Variants in SCFD2 observed in about 807,000 individuals in gnomAD.
The protein encoded by SCFD2 is sec1 family domain containing 2, also known as sec1 family domain-containing protein 2.
SCFD2 carries 54 observed loss-of-function variants against 58.9 expected under a neutral mutation model. The ratio of observed to expected loss-of-function variants is 0.92; its 90% CI spans 0.74 to 1.15. The LOEUF is 1.15. SCFD2 is among the 50% of genes most tolerant of loss of function. The probability of loss-of-function intolerance (pLI) is 0.00; values close to 1 mark genes in which losing one functional copy is unlikely to be tolerated. For missense variants in SCFD2, 805 were observed against 836.6 expected, an observed-to-expected ratio of 0.96 and a Z score of 0.47; for synonymous variants, 321 against 335.9, an observed-to-expected ratio of 0.96 and a Z score of 0.49.
At chr4:53,331,892 C>G (rs1311729482) in intron 2 of SCFD2, among the ~76,000 whole-genome samples, 1 of 152,138 alleles carries the variant, frequency 6.6e-6, no homozygotes, top group East Asian at 1.9e-4. Flanking sequence ...CAAATAGAGG[C>G]AATAAAAAAT....
chr4:53,194,746 C>G (rs1728011596), intron 4 of SCFD2, among the ~76,000 whole-genome samples: 1 of 152,084 alleles, frequency 6.6e-6, no homozygotes, highest in Non-Finnish European at 1.5e-5. Flanking sequence ...CCTCCTAAAC[C>G]AAAGATTTCT....
intron 7 of SCFD2, among the ~76,000 whole-genome samples, chr4:52,889,961 G>C (rs895973449): frequency 5.3e-5 from 8 of 151,474 alleles, no homozygotes; most frequent in African/African-American, 2.0e-4. Flanking sequence ...TTAGCACCTG[G>C]TAAGCTTTCA....
intron 5 of SCFD2, among the ~76,000 whole-genome samples, chr4:53,017,306 T>C (rs1722238967): frequency 6.6e-6 from 1 of 152,148 alleles, no homozygotes; most frequent in African/African-American, 2.4e-5. Flanking sequence ...GTGCGAAACA[T>C]TCAAATCACA....
chr4:53,188,512 A>G (rs1727803471), intron 4 of SCFD2, among the ~76,000 whole-genome samples: 1 of 151,554 alleles, frequency 6.6e-6, no homozygotes, highest in Admixed American at 6.6e-5. Flanking sequence ...GGCCAACTTC[A>G]TAAGGGAGCC....
intron 3 of SCFD2, among the ~76,000 whole-genome samples, chr4:53,299,356 T>G (rs1468615402): frequency 2.6e-5 from 4 of 152,028 alleles, no homozygotes; most frequent in Middle Eastern, 3.2e-3. Context: ...TGATGGAAGA[T>G]CAAATGAATG....
intron 5 of SCFD2, among the ~76,000 whole-genome samples, chr4:53,082,968 T>C (rs1724192271): frequency 5.2e-5 from 1 of 19,404 alleles, no homozygotes; most frequent in Non-Finnish European, 2.9e-4. Flanking sequence ...ATAATAAATA[T>C]CTGTCTCTCT....
chr4:53,218,705 G>C (rs1241289003), intron 4 of SCFD2, among the ~76,000 whole-genome samples: 2 of 152,174 alleles, frequency 1.3e-5, no homozygotes, highest in African/African-American at 4.8e-5. Context: ...TCCTTTGGAG[G>C]GGGAGAGGCG....
At chr4:53,008,335 C>A (rs1360761511) in intron 5 of SCFD2, among the ~76,000 whole-genome samples, 1 of 152,118 alleles carries the variant, frequency 6.6e-6, no homozygotes, top group Non-Finnish European at 1.5e-5. Context: ...TGACACCCCC[C>A]CTTCCCCTCT....
chr4:53,096,973 T>A (rs1321433045), intron 5 of SCFD2, among the ~76,000 whole-genome samples: 1 of 152,260 alleles, frequency 6.6e-6, no homozygotes, highest in African/African-American at 2.4e-5. Context: ...AAATAGGGAA[T>A]CCTTTCCTCA....
chr4:53,150,299 A>G (rs1726466429), intron 4 of SCFD2, among the ~76,000 whole-genome samples: 1 of 152,216 alleles, frequency 6.6e-6, no homozygotes, highest in Non-Finnish European at 1.5e-5. Context: ...CCATCAGCCA[A>G]GATAAGGGAC....
chr4:52,983,063 C>G (rs1392844492), intron 5 of SCFD2, among the ~76,000 whole-genome samples: 3 of 152,094 alleles, frequency 2.0e-5, no homozygotes, highest in Admixed American at 1.3e-4. Context: ...TGGCTTTTGA[C>G]AGTGTTATGG....
intron 4 of SCFD2, among the ~76,000 whole-genome samples, chr4:53,260,701 T>C (rs1462734945): frequency 6.6e-6 from 1 of 152,178 alleles, no homozygotes; most frequent in Non-Finnish European, 1.5e-5. Flanking sequence ...TTTTTGGTTA[T>C]GTCTTTTCCT....
At chr4:53,168,770 T>C (rs2148934353) in intron 4 of SCFD2, among the ~76,000 whole-genome samples, 1 of 152,318 alleles carries the variant, frequency 6.6e-6, no homozygotes, top group Non-Finnish European at 1.5e-5. Flanking sequence ...TGAAATTTAC[T>C]CTCAGTAATT....
At chr4:52,972,467 C>G (rs984175111) in intron 5 of SCFD2, among the ~76,000 whole-genome samples, 1 of 152,200 alleles carries the variant, frequency 6.6e-6, no homozygotes, top group Non-Finnish European at 1.5e-5. Flanking sequence ...GAAGAGCTCA[C>G]TATCCTAAAT....
At chr4:52,984,082 G>C (rs372717411) in intron 5 of SCFD2, among the ~76,000 whole-genome samples, 1 of 152,208 alleles carries the variant, frequency 6.6e-6, no homozygotes, top group Non-Finnish European at 1.5e-5. Context: ...GAAGGAGAAT[G>C]TAAGAGAATG....
At chr4:52,892,931 C>T (rs1188494865) in intron 7 of SCFD2, among the ~76,000 whole-genome samples, 1 of 152,160 alleles carries the variant, frequency 6.6e-6, no homozygotes, top group Non-Finnish European at 1.5e-5. Flanking sequence ...ACAGTTCATA[C>T]CAAAATCTAT....
At chr4:52,923,906 T>C (rs1719803097) in intron 5 of SCFD2, among the ~76,000 whole-genome samples, 1 of 152,188 alleles carries the variant, frequency 6.6e-6, no homozygotes. Flanking sequence ...TGTGGCTTCT[T>C]TCCTTCAACC....
At chr4:53,356,778 C>T (rs1734413607) in intron 1 of SCFD2, among the ~76,000 whole-genome samples, 1 of 148,700 alleles carries the variant, frequency 6.7e-6, no homozygotes, top group Non-Finnish European at 1.5e-5. Flanking sequence ...GCTCTGTCAC[C>T]CAGCCTGGAG....
intron 4 of SCFD2, among the ~76,000 whole-genome samples, chr4:53,165,767 G>C (rs1311001701): frequency 6.6e-6 from 1 of 151,992 alleles, no homozygotes; most frequent in Non-Finnish European, 1.5e-5. Context: ...CACTGCTGTA[G>C]CCCCAGTGTC....
Sources: gnomAD v4.1 joint callset for allele counts (sites outside exome capture counted in the v4.1 genomes callset) on GRCh38, gnomAD v4.1.1 for gene constraint, MANE v1.5 for transcripts, NCBI Gene and HGNC (gene_info 2026-07-23, HGNC 2026-07-21) for gene names.